Variants in ERC2 observed in about 807,000 individuals in gnomAD.
ERC2 encodes ELKS/RAB6-interacting/CAST family member 2.
Under a neutral mutation model 114.8 loss-of-function variants are expected in ERC2, and 42 were observed. The ratio of observed to expected loss-of-function variants is 0.37; its 90% CI spans 0.29 to 0.47. The LOEUF (loss-of-function observed/expected upper bound fraction) is 0.47, where lower values mean the gene tolerates loss of function less well. Among genes scored for constraint, ERC2 ranks in the 20% least tolerant of loss-of-function variants. The probability of loss-of-function intolerance (pLI) is 0.99; values close to 1 mark genes in which losing one functional copy is unlikely to be tolerated. For synonymous variants in ERC2, 454 were observed against 425.5 expected (o/e 1.07, Z -0.82); for missense variants, 939 against 1,150.7 (o/e 0.82, Z 2.66).
intron 7 of ERC2, among the ~76,000 whole-genome samples, chr3:56,059,237 C>T (rs2149702876): frequency 6.6e-6 from 1 of 152,086 alleles, no homozygotes; most frequent in East Asian, 1.9e-4. Flanking sequence ...ACTATTGGCG[C>T]CCGCCAACAT....
chr3:55,736,475 G>A (rs893138328), intron 14 of ERC2, among the ~76,000 whole-genome samples: 2 of 152,120 alleles, frequency 1.3e-5, no homozygotes, highest in Admixed American at 1.3e-4. Flanking sequence ...GTCCAAGTCG[G>A]TCATCTGTCA....
intron 14 of ERC2, among the ~76,000 whole-genome samples, chr3:55,885,130 C>A (rs780371564): frequency 1.3e-5 from 2 of 152,170 alleles, no homozygotes; most frequent in Non-Finnish European, 2.9e-5. Flanking sequence ...ACTGGGTAGA[C>A]CTGACCTAAA....
At chr3:56,328,176 G>C (rs1279825395) in intron 2 of ERC2, among the ~76,000 whole-genome samples, 2 of 152,222 alleles carry the variant, frequency 1.3e-5, no homozygotes, top group Non-Finnish European at 2.9e-5. Context: ...CCATGCAGAA[G>C]ACCGAAATTT....
intron 3 of ERC2, among the ~76,000 whole-genome samples, chr3:56,251,451 A>G (rs1458799273): frequency 6.6e-6 from 1 of 152,106 alleles, no homozygotes; most frequent in African/African-American, 2.4e-5. Flanking sequence ...ACTGATCTGC[A>G]CTCTCCTGGT....
At chr3:55,728,935 C>T (rs1261024646) in intron 15 of ERC2, among the ~76,000 whole-genome samples, 1 of 152,188 alleles carries the variant, frequency 6.6e-6, no homozygotes, top group Admixed American at 6.5e-5. Context: ...TTTGTGGCCC[C>T]AACGGAAGCA....
At position 56,202,266 on chromosome 3, in the gene ERC2, A is replaced by G. The variant is rs540385442; in HGVS notation, c.1075-28746T>C. ...TTTTAGCAGGGCATAAAAATTATTC[A>G]TGTTGAGGATAAAAACTAATTTCTC... On this transcript the variant is annotated intron_variant, in intron 3 of 17. Transcript: ENST00000288221. Among the ~76,000 whole-genome samples the G allele has an allele frequency of 4.6e-5, 7 of 152,324 alleles. No individual in the cohort carries two copies. In the East Asian group the frequency reaches 1.3e-3, roughly 29 times the overall value.
At chr3:55,607,067 C>G (rs2148549100) in intron 17 of ERC2, 1 of 152,382 alleles carries the variant, frequency 6.6e-6, no homozygotes, top group East Asian at 1.9e-4. Flanking sequence ...TCCTAGGACA[C>G]CCAGCAACCA....
intron 3 of ERC2, among the ~76,000 whole-genome samples, chr3:56,271,321 G>A (rs971745375): frequency 2.0e-5 from 3 of 152,176 alleles, no homozygotes; most frequent in African/African-American, 7.2e-5. Context: ...TGACATCCAC[G>A]TGGGCAGCAC....
chr3:56,161,395 T>C (rs1175484917), intron 4 of ERC2, among the ~76,000 whole-genome samples: 1 of 152,208 alleles, frequency 6.6e-6, no homozygotes, highest in Non-Finnish European at 1.5e-5. Flanking sequence ...CTTTTTTGGT[T>C]CCATATGAAG....
intron 14 of ERC2, among the ~76,000 whole-genome samples, chr3:55,742,918 C>G (rs2066059063): frequency 6.6e-6 from 1 of 152,168 alleles, no homozygotes; most frequent in Non-Finnish European, 1.5e-5. Context: ...AGGGGCCATG[C>G]AGAAAGCAAA....
At chr3:56,264,731 G>T (rs953545930) in intron 3 of ERC2, among the ~76,000 whole-genome samples, 18 of 149,638 alleles carry the variant, frequency 1.2e-4, no homozygotes, top group Middle Eastern at 3.2e-3. Flanking sequence ...TAAAAAAACT[G>T]TTAAAATAAT....
intron 17 of ERC2, among the ~76,000 whole-genome samples, chr3:55,640,684 T>C (rs574745189): frequency 6.6e-6 from 1 of 152,256 alleles, no homozygotes; most frequent in Admixed American, 6.5e-5. Flanking sequence ...TATGAGAAAG[T>C]AGAAGACAAA....
chr3:55,539,660 C>T (rs2054255887), intron 17 of ERC2, among the ~76,000 whole-genome samples: 1 of 151,566 alleles, frequency 6.6e-6, no homozygotes, highest in South Asian at 2.1e-4. Flanking sequence ...ATCTCCTGAC[C>T]TCGTGATCTG....
chr3:56,283,019 A>T (rs1342413386), intron 3 of ERC2, among the ~76,000 whole-genome samples: 27 of 152,228 alleles, frequency 1.8e-4, no homozygotes, highest in Admixed American at 1.6e-3. Context: ...TGTGTCTCAG[A>T]AGTCCCCACG....
intron 14 of ERC2, among the ~76,000 whole-genome samples, chr3:55,848,163 A>T (rs933694001): frequency 2.6e-5 from 4 of 152,156 alleles, no homozygotes; most frequent in Admixed American, 2.0e-4. Flanking sequence ...TAACTGAAAA[A>T]ACTTCAGACT....
intron 2 of ERC2, among the ~76,000 whole-genome samples, chr3:56,298,082 A>T (rs2055574166): frequency 6.6e-6 from 1 of 152,242 alleles, no homozygotes; most frequent in East Asian, 1.9e-4. Context: ...ATGCTCCCCT[A>T]TAAAGTGTAA....
At chr3:55,987,841 A>T (rs765847226) in intron 11 of ERC2, among the ~76,000 whole-genome samples, 1 of 152,152 alleles carries the variant, frequency 6.6e-6, no homozygotes, top group Non-Finnish European at 1.5e-5. Context: ...GCTGTTTTCC[A>T]TTCTGATGTT....
At chr3:56,354,313 C>A (rs1311635095) in intron 2 of ERC2, among the ~76,000 whole-genome samples, 7 of 152,230 alleles carry the variant, frequency 4.6e-5, no homozygotes, top group Non-Finnish European at 8.8e-5. Context: ...CGCTGGGCAC[C>A]AGTTGCCACT....
chr3:55,865,354 A>G (rs1461487434), intron 14 of ERC2, among the ~76,000 whole-genome samples: 2 of 152,140 alleles, frequency 1.3e-5, no homozygotes, highest in African/African-American at 4.8e-5. Flanking sequence ...ATCATTTTAT[A>G]TATATTCTCC....
Sources: allele counts gnomAD v4.1 joint callset (sites outside exome capture counted in the v4.1 genomes callset), GRCh38; gene constraint gnomAD v4.1.1; transcripts MANE v1.5; gene names NCBI Gene and HGNC (gene_info 2026-07-23, HGNC 2026-07-21).